PDE4B: variants seen among roughly 807,000 people sequenced by gnomAD.
PDE4B encodes 3',5'-cyclic-AMP phosphodiesterase 4B.
A neutral mutation model predicts 82.2 loss-of-function variants in PDE4B; 20 were observed. The observed-to-expected ratio is 0.24, with a 90% CI of 0.17 to 0.35. PDE4B has a LOEUF of 0.35. Ranked by LOEUF, PDE4B falls within the 10% of genes least tolerant of loss-of-function variation. The pLI, the probability that PDE4B is intolerant of heterozygous loss-of-function variation, is 1.00. For missense variants in PDE4B, 655 were observed against 907.2 expected (o/e 0.72, Z 3.57); for synonymous variants, 320 against 318.9 (o/e 1.00, Z -0.04).
chr1:66,307,039 A>G lies in PDE4B; in HGVS notation c.635-25469A>G, dbSNP rs547198316. ...GCATTTAAGTCAAATGTGACAGATG[A>G]CAATGGGGACTAAGAAGAAGTCTCC... On this transcript the variant is annotated intron_variant, in intron 7 of 16. Transcript: ENST00000341517. Among the ~76,000 whole-genome samples, 10 of 152,284 alleles carry G rather than the reference A, an allele frequency of 6.6e-5. No individual in the cohort carries two copies. In the South Asian group the frequency reaches 1.9e-3, roughly 28 times the overall value.
intron 3 of PDE4B, among the ~76,000 whole-genome samples, chr1:66,191,737 A>G (rs915699964): frequency 1.3e-5 from 2 of 152,164 alleles, no homozygotes; most frequent in Non-Finnish European, 2.9e-5. Context: ...TAATTTATAA[A>G]GGAAAAGAGG....
intron 7 of PDE4B, among the ~76,000 whole-genome samples, chr1:66,311,826 G>A (rs1397125630): frequency 6.6e-6 from 1 of 152,228 alleles, no homozygotes; most frequent in Non-Finnish European, 1.5e-5. Context: ...TGGAGACAGA[G>A]GGTGCCCTAA....
rs562434834 is a variant in PDE4B, at chr1:66,129,694, A to C, written c.282-117766A>C. Among the ~76,000 whole-genome samples, 112 of 73,316 alleles carry C rather than the reference A, an allele frequency of 1.5e-3. 2 individuals are homozygous for C. The highest frequency in any genetic ancestry group is 2.7e-4 in the East Asian group (1 of 3,718). The allele number at this position is 73,316 out of a possible 152,430, so 48.1% of individuals were successfully genotyped here. ...AAAACAAAAAAACAAAAAAACAAAA[A>C]AACAAAAAAAAAAACCTCTCTGTAA... On this transcript the variant is annotated intron_variant, in intron 3 of 16. Coordinates refer to ENST00000341517, the MANE Select transcript of PDE4B (RefSeq NM_002600.4).
intron 3 of PDE4B, among the ~76,000 whole-genome samples, chr1:66,203,286 T>G (rs2101543600): frequency 6.6e-6 from 1 of 152,294 alleles, no homozygotes; most frequent in East Asian, 1.9e-4. Context: ...TAACATTTTT[T>G]CCTTCATTTC....
intron 7 of PDE4B, among the ~76,000 whole-genome samples, chr1:66,268,454 G>A (rs987520334): frequency 5.9e-5 from 9 of 151,898 alleles, no homozygotes; most frequent in African/African-American, 1.9e-4. Flanking sequence ...CGGATCACGA[G>A]GTCAGGAGTT....
intron 3 of PDE4B, among the ~76,000 whole-genome samples, chr1:66,137,643 G>A (rs1014358884): frequency 7.9e-5 from 12 of 152,282 alleles, no homozygotes; most frequent in Non-Finnish European, 1.3e-4. Context: ...AGTCTGGACA[G>A]CATGAAGAGT....
chr1:66,166,923 C>A (rs1646745122), intron 3 of PDE4B, among the ~76,000 whole-genome samples: 1 of 152,052 alleles, frequency 6.6e-6, no homozygotes, highest in African/African-American at 2.4e-5. Flanking sequence ...AGAAGAAACA[C>A]AAATGGACAA....
At chr1:65,815,021 TTTTATTTATTTATTTATTTATTTA>T (rs138553972) in intron 1 of PDE4B, among the ~76,000 whole-genome samples, 41 of 145,186 alleles carry the variant, frequency 2.8e-4, no homozygotes, top group Admixed American at 1.5e-3. Flanking sequence ...TCAACACACA[TTTTATTTATTTATTTATTTATTTA>T]TTTATTTATT....
intron 1 of PDE4B, among the ~76,000 whole-genome samples, chr1:65,896,851 G>A (rs913966369): frequency 1.3e-5 from 2 of 152,088 alleles, no homozygotes; most frequent in Non-Finnish European, 1.5e-5. Context: ...TGAAGCAGTT[G>A]TTATATTCTT....
At chr1:65,827,712 C>T (rs1018811196) in intron 1 of PDE4B, among the ~76,000 whole-genome samples, 1 of 151,994 alleles carries the variant, frequency 6.6e-6, no homozygotes, top group East Asian at 1.9e-4. Context: ...AAAGAGAAAA[C>T]TAGTCAGAAA....
intron 3 of PDE4B, among the ~76,000 whole-genome samples, chr1:66,143,199 G>C (rs974623160): frequency 1.3e-5 from 2 of 152,182 alleles, no homozygotes; most frequent in Admixed American, 1.3e-4. Context: ...GTTTGTCTTT[G>C]TTTCTAGTGA....
chr1:65,838,523 A>G (rs1282678723), intron 1 of PDE4B, among the ~76,000 whole-genome samples: 3 of 147,766 alleles, frequency 2.0e-5, no homozygotes, highest in African/African-American at 4.9e-5. Context: ...ATATATGTAT[A>G]TGTATATATA....
intron 3 of PDE4B, among the ~76,000 whole-genome samples, chr1:66,006,787 G>T (rs993420809): frequency 3.9e-5 from 6 of 152,056 alleles, no homozygotes; most frequent in African/African-American, 7.2e-5. Flanking sequence ...CTGCAATCAT[G>T]TGAAGAAGGA....
At chr1:66,052,871 G>A (rs777651079) in intron 3 of PDE4B, among the ~76,000 whole-genome samples, 2 of 147,052 alleles carry the variant, frequency 1.4e-5, no homozygotes, top group Non-Finnish European at 3.0e-5. Context: ...GCAGGCTGAT[G>A]GGCAGCTTCT....
rs1375957483 is a variant in PDE4B, at chr1:66,197,630, A to G, written c.282-49830A>G. Among the ~76,000 whole-genome samples the G allele has an allele frequency of 2.0e-5, 3 of 152,284 alleles. No homozygotes were observed. In the East Asian group the frequency reaches 5.8e-4, roughly 29 times the overall value. On this transcript the variant is annotated intron_variant, in intron 3 of 16. Transcript: ENST00000341517. ...GCTGATGAGAAAGAATATACATCTC[A>G]AAGAGTAGTGGTTTCTTCAAAATCC...
intron 7 of PDE4B, among the ~76,000 whole-genome samples, chr1:66,305,978 C>T (rs1485988329): frequency 3.3e-5 from 5 of 151,980 alleles, no homozygotes; most frequent in East Asian, 1.9e-4. Context: ...CAATAGACTG[C>T]GTTTCTGAGT....
At chr1:65,832,841 C>T (rs80244191) in intron 1 of PDE4B, among the ~76,000 whole-genome samples, 2,186 of 152,168 alleles carry the variant, frequency 0.014, 28 homozygotes, top group South Asian at 0.05. Flanking sequence ...GAGTATATTG[C>T]TCATTAAAGT....
chr1:66,173,318 G>C (rs1646873234), intron 3 of PDE4B, among the ~76,000 whole-genome samples: 1 of 152,200 alleles, frequency 6.6e-6, no homozygotes, highest in African/African-American at 2.4e-5. Context: ...TCTCCTGAAA[G>C]CTGTGAGGGA....
intron 3 of PDE4B, among the ~76,000 whole-genome samples, chr1:66,187,769 C>T (rs902076007): frequency 8.6e-5 from 13 of 151,680 alleles, no homozygotes; most frequent in African/African-American, 2.7e-4. Flanking sequence ...TTTTGTTGAT[C>T]CTTTCAAAAA....
Sources: gnomAD v4.1 joint callset for allele counts (sites outside exome capture counted in the v4.1 genomes callset) on GRCh38, gnomAD v4.1.1 for gene constraint, MANE v1.5 for transcripts, NCBI Gene and HGNC (gene_info 2026-07-23, HGNC 2026-07-21) for gene names.